NFIB: variants seen among roughly 807,000 people sequenced by gnomAD.
NFIB encodes nuclear factor I B.
A neutral mutation model predicts 61.5 loss-of-function variants in NFIB; 11 were observed. That is an observed-to-expected ratio of 0.18 (90% CI 0.11 to 0.30). NFIB has a LOEUF of 0.30. Ranked by LOEUF, NFIB falls within the 10% of genes least tolerant of loss-of-function variation. The pLI is 1.00. For synonymous variants in NFIB, 260 were observed against 216.5 expected (o/e 1.20, Z -1.76); for missense variants, 471 against 608.9 (o/e 0.77, Z 2.38).
rs57014530 is a variant in NFIB, at chr9:14,134,897, C to CAAAA, written c.926-9135_926-9132dup. On this transcript the variant is annotated intron_variant, in intron 6 of 10. Transcript: ENST00000380953. The stretch of plus-strand genomic sequence containing the variant: ...TGGGTGACAGGGCGAGACTCTGTCT[C>CAAAA]AAAAAAAAAAAAAAAAAAAAAAAGG... Among the ~76,000 whole-genome samples the CAAAA allele has an allele frequency of 3.9e-3, 250 of 64,284 alleles. 4 individuals carry two copies. Among genetic ancestry groups the CAAAA allele is most frequent in the African/African-American group, 0.01 (224 of 21,540 alleles). The allele number at this position is 64,284 out of a possible 152,430, so 42.2% of individuals were successfully genotyped here. A position where few individuals can be genotyped will look rare whatever the true frequency, so the allele number is the denominator to read the frequency against.
At chr9:14,178,910 TG>T (rs1159691585) in intron 3 of NFIB, among the ~76,000 whole-genome samples, 2 of 152,126 alleles carry the variant, frequency 1.3e-5, no homozygotes, top group African/African-American at 4.8e-5. Context: ...CAGATGAGAT[TG>T]TTTGGGGAGG....
chr9:14,361,530 A>AT (rs2061241438), intron 1 of NFIB: 1 of 152,212 alleles, frequency 6.6e-6, no homozygotes, highest in South Asian at 2.1e-4. Context: ...ATGCACACAC[A>AT]TGCATGCATG....
At chr9:14,192,344 A>C (rs1317223256) in intron 2 of NFIB, among the ~76,000 whole-genome samples, 4 of 152,192 alleles carry the variant, frequency 2.6e-5, no homozygotes, top group African/African-American at 9.6e-5. Flanking sequence ...TGGTGTGATA[A>C]AGCTTTGGAT....
intron 2 of NFIB, among the ~76,000 whole-genome samples, chr9:14,207,033 G>C (rs994303018): frequency 2.6e-5 from 4 of 152,142 alleles, no homozygotes; most frequent in African/African-American, 4.8e-5. Flanking sequence ...TAAAATAATA[G>C]TAAGGCTAAC....
At chr9:14,454,784 A>C in the NFIB span, among the ~76,000 whole-genome samples, 1 of 152,186 alleles carries the variant, frequency 6.6e-6, no homozygotes, top group Non-Finnish European at 1.5e-5. Context: ...GCTTAGTCAC[A>C]TGCCTTGCTT....
At chr9:14,115,828 A>C (rs919849434) in intron 9 of NFIB, among the ~76,000 whole-genome samples, 1 of 152,210 alleles carries the variant, frequency 6.6e-6, no homozygotes, top group Admixed American at 6.5e-5. Context: ...ATGCTCCAAT[A>C]AGTACCAATT....
chr9:14,421,407 C>T, the NFIB span, among the ~76,000 whole-genome samples: 1 of 152,134 alleles, frequency 6.6e-6, no homozygotes, highest in Non-Finnish European at 1.5e-5. Context: ...TCTAATTTAA[C>T]AGAGTGTATA....
At chr9:14,485,047 T>A in the NFIB span, among the ~76,000 whole-genome samples, 1,373 of 152,252 alleles carry the variant, frequency 9.0e-3, 29 homozygotes, top group African/African-American at 0.031. Context: ...CTTCCTCTTA[T>A]AAAACCATAG....
the NFIB span, among the ~76,000 whole-genome samples, chr9:14,458,477 C>T: frequency 6.6e-6 from 1 of 152,210 alleles, no homozygotes; most frequent in African/African-American, 2.4e-5. Flanking sequence ...TGCCCTCTCT[C>T]ACCACTCCTA....
intron 4 of NFIB, among the ~76,000 whole-genome samples, chr9:14,152,119 T>A (rs917411727): frequency 6.6e-6 from 1 of 152,014 alleles, no homozygotes; most frequent in Non-Finnish European, 1.5e-5. Context: ...ACAATGAACA[T>A]CTCCCTTTCT....
the NFIB span, among the ~76,000 whole-genome samples, chr9:14,494,210 C>T: frequency 6.6e-6 from 1 of 152,178 alleles, no homozygotes; most frequent in Non-Finnish European, 1.5e-5. Flanking sequence ...CTAAAAACAA[C>T]AAGAACAACA....
chr9:14,319,894 G>A (rs1336533098), intron 1 of NFIB, among the ~76,000 whole-genome samples: 1 of 152,116 alleles, frequency 6.6e-6, no homozygotes, highest in East Asian at 1.9e-4. Context: ...AAACAATTTT[G>A]TAATTACAAA....
intron 1 of NFIB, among the ~76,000 whole-genome samples, chr9:14,393,262 T>G (rs1488639642): frequency 2.0e-5 from 3 of 152,198 alleles, no homozygotes; most frequent in African/African-American, 7.2e-5. Flanking sequence ...GGAACATCTT[T>G]GTCACACTGC....
In NFIB at chr9:14,086,780, GT is replaced by G. The variant is rs770203746; in HGVS notation, c.*1528del. The G allele has an allele frequency of 0.029, 4,830 of 164,400 alleles. 34 individuals carry two copies. The highest frequency in any genetic ancestry group is 0.037 in the Non-Finnish European group (2,958 of 79,758). The allele number at this position is 164,400 out of a possible 1,614,324, so 10.2% of individuals were successfully genotyped here. A position where few individuals can be genotyped will look rare whatever the true frequency, so the allele number is the denominator to read the frequency against. On this transcript the variant is annotated 3_prime_UTR_variant, in exon 11 of 11. Transcript: ENST00000380953. ...TGATGTCACTTTGTTGTATTTTTTT[GT>G]TTTTTTTTTTTTGTTTTTTGTTTTT...
At chr9:14,456,384 CACAA>C in the NFIB span, among the ~76,000 whole-genome samples, 2 of 151,978 alleles carry the variant, frequency 1.3e-5, no homozygotes, top group African/African-American at 4.8e-5. Context: ...CAAAAATCAC[CACAA>C]ACAGAGTAAA....
chr9:14,457,205 G>T, the NFIB span, among the ~76,000 whole-genome samples: 7 of 152,162 alleles, frequency 4.6e-5, no homozygotes, highest in Non-Finnish European at 1.0e-4. Context: ...TTGGCTGTGG[G>T]AAGATGAACT....
chr9:14,470,277 T>A, the NFIB span, among the ~76,000 whole-genome samples: 1 of 152,112 alleles, frequency 6.6e-6, no homozygotes, highest in Admixed American at 6.5e-5. Flanking sequence ...TCTGCTCCAT[T>A]TTCTCCTCTC....
At chr9:14,403,504 C>CCCTCT (rs1010305891), upstream of NFIB, among the ~76,000 whole-genome samples, 1 of 152,056 alleles carries the variant, frequency 6.6e-6, no homozygotes. Flanking sequence ...GCCAGATTCT[C>CCCTCT]CCTCTCCTCC....
Position 14,104,118 on chromosome 9 carries a change from G to A in NFIB, c.1467+8881C>T, listed in dbSNP as rs180883349. On this transcript the variant is annotated intron_variant, in intron 10 of 10. Coordinates refer to ENST00000380953, the MANE Select transcript of NFIB (RefSeq NM_001190737.2). ...AGTAGAGATGGGGTTTTGCCATGTT[G>A]GCCAGGCTGGTCTCGAACTCCTGAC... Among the ~76,000 whole-genome samples the A allele has an allele frequency of 4.5e-3, 689 of 151,934 alleles. 3 individuals carry two copies. Among genetic ancestry groups the A allele is most frequent in the Non-Finnish European group, 7.2e-3 (489 of 67,950 alleles).
Sources: gnomAD v4.1 joint callset for allele counts (sites outside exome capture counted in the v4.1 genomes callset) on GRCh38, gnomAD v4.1.1 for gene constraint, MANE v1.5 for transcripts, NCBI Gene and HGNC (gene_info 2026-07-23, HGNC 2026-07-21) for gene names.